The following FXR1 variants were observed in gnomAD, a reference collection of about 807,000 sequenced individuals.
FXR1 encodes the protein FMR1 autosomal homolog 1, also known as RNA-binding protein FXR1.
Under a neutral mutation model 84.0 loss-of-function variants are expected in FXR1, and 15 were observed. The observed-to-expected ratio is 0.18, with a 90% CI of 0.12 to 0.27. FXR1 has a LOEUF of 0.27. Ranked by LOEUF, FXR1 falls within the 10% of genes least tolerant of loss-of-function variation. The probability of loss-of-function intolerance (pLI) is 1.00; values close to 1 mark genes in which losing one functional copy is unlikely to be tolerated. For missense variants in FXR1, 480 were observed against 774.4 expected (o/e 0.62, Z 4.51); for synonymous variants, 245 against 250.7 (o/e 0.98, Z 0.21).
intron 1 of FXR1, among the ~76,000 whole-genome samples, chr3:180,919,351 C>T (rs1482789706): frequency 1.5e-4 from 22 of 143,388 alleles, no homozygotes; most frequent in Admixed American, 4.3e-4. Context: ...GTGGCACTAT[C>T]TCGGGTCATT....
At chr3:180,949,882 A>G (rs1182280537) in intron 7 of FXR1, among the ~76,000 whole-genome samples, 2 of 152,146 alleles carry the variant, frequency 1.3e-5, no homozygotes, top group Non-Finnish European at 2.9e-5. Flanking sequence ...GAGCTAAGAA[A>G]CTAGGGATAC....
intron 3 of FXR1, among the ~76,000 whole-genome samples, chr3:180,945,009 A>G (rs537187075): frequency 2.0e-5 from 3 of 152,256 alleles, no homozygotes; most frequent in Non-Finnish European, 4.4e-5. Flanking sequence ...TGTATCTACA[A>G]TGAATGCAGT....
chr3:180,925,318 C>T (rs1416588332), intron 1 of FXR1, among the ~76,000 whole-genome samples: 1 of 151,640 alleles, frequency 6.6e-6, no homozygotes, highest in African/African-American at 2.4e-5. Flanking sequence ...TGATATCAGG[C>T]CATTGCACTC....
rs1714635301 is a variant in FXR1 at position 180,982,066 on chromosome 3, A to C, written c.*5774A>C. The C allele has an allele frequency of 6.6e-6, 1 of 152,238 alleles. No individual in the cohort carries two copies. Among genetic ancestry groups the C allele is most frequent in the South Asian group, 2.1e-4 (1 of 4,828 alleles). 9.4% of individuals were successfully genotyped at this position (152,238 alleles called of 1,614,324 possible). ...AGGTTATCAGAATTGTGAAGGCCAT[A>C]GTACAAAAAGTTAAGAGAACGGAAC... On this transcript the variant is annotated 3_prime_UTR_variant, in exon 17 of 17. Coordinates refer to ENST00000357559, the MANE Select transcript of FXR1 (RefSeq NM_005087.4).
chr3:180,917,670 C>A (rs193297146), intron 1 of FXR1, among the ~76,000 whole-genome samples: 3 of 152,074 alleles, frequency 2.0e-5, no homozygotes, highest in African/African-American at 7.2e-5. Flanking sequence ...CAACTTAGGC[C>A]GGGCGCCGTG....
intron 13 of FXR1, among the ~76,000 whole-genome samples, chr3:180,967,501 A>G (rs1338541500): frequency 6.6e-6 from 1 of 152,086 alleles, no homozygotes; most frequent in African/African-American, 2.4e-5. Context: ...ACTAAAACCC[A>G]AATCAGCAGA....
At chr3:180,947,013 A>G (rs144968820) in intron 3 of FXR1, among the ~76,000 whole-genome samples, 88 of 152,284 alleles carry the variant, frequency 5.8e-4, no homozygotes, top group African/African-American at 2.0e-3. Flanking sequence ...ACTGATATTT[A>G]TAGATATAAA....
Position 180,948,832 on chromosome 3 carries a change from T to C in FXR1, c.513+18T>C. 2.8e-6 allele frequency: 3 copies of C among 1,077,068 alleles called. No homozygotes were observed. The highest frequency in any genetic ancestry group is 2.9e-6 in the Non-Finnish European group (2 of 697,998). The allele number at this position is 1,077,068 out of a possible 1,614,324, so 66.7% of individuals were successfully genotyped here. On this transcript the variant is annotated intron_variant, in intron 6 of 16. Coordinates refer to ENST00000357559, the MANE Select transcript of FXR1 (RefSeq NM_005087.4). ...TGATACTGGTAAGATAGTACCATAT[T>C]ATAAGGTAGCTTATTAATGGATATT...
intron 2 of FXR1, among the ~76,000 whole-genome samples, 156 bp from the exon 3 acceptor site, chr3:180,934,982 T>C (rs1006802691): frequency 6.6e-6 from 1 of 152,220 alleles, no homozygotes; most frequent in Non-Finnish European, 1.5e-5. Flanking sequence ...CTGTTCTACT[T>C]CAGTAACTAA....
Position 180,957,922 on chromosome 3 carries a change from A to G in FXR1, c.984A>G (p.Arg328=). Reference sequence around the variant, plus strand: ...GGGACAATGAAAATAAATTACCCAGAGAAGACGTAAGTATTTAAAATGTAA... The same window carrying G: ...GGGACAATGAAAATAAATTACCCAGGGAAGACGTAAGTATTTAAAATGTAA... The part of the protein sequence containing the change: ...IEGDNENKLP[R]EDGMVPFVFV... The change falls in exon 10 of 17, where the codon AGA becomes AGG. Residue 328 remains arginine (R), a synonymous_variant. Transcript: ENST00000357559. 1 of 1,404,796 alleles carries G rather than the reference A, an allele frequency of 7.1e-7. No homozygotes were observed. The highest frequency in any genetic ancestry group is 1.4e-5 in the African/African-American group (1 of 70,356). The allele number at this position is 1,404,796 out of a possible 1,614,324, so 87.0% of individuals were successfully genotyped here.
intron 15 of FXR1, chr3:180,971,102 G>A (rs776326796): frequency 1.6e-5 from 20 of 1,267,044 alleles, no homozygotes; most frequent in Admixed American, 1.5e-4. Flanking sequence ...CCCCAGCGAC[G>A]CAATCGTAGC....
intron 10 of FXR1, among the ~76,000 whole-genome samples, chr3:180,960,530 G>A (rs556461480): frequency 6.6e-6 from 1 of 152,144 alleles, no homozygotes; most frequent in Non-Finnish European, 1.5e-5. Context: ...CAGTGGCACA[G>A]TCTTGGCTCA....
intron 1 of FXR1, 116 bp from the exon 2 acceptor site, chr3:180,933,218 T>A (rs1379840174): frequency 3.7e-5 from 24 of 649,766 alleles, no homozygotes; most frequent in Non-Finnish European, 4.6e-5. Flanking sequence ...CACATCTGCC[T>A]AATTCCAAAC....
At chr3:180,954,562 G>A (rs1267657845) in intron 9 of FXR1, among the ~76,000 whole-genome samples, 1 of 152,118 alleles carries the variant, frequency 6.6e-6, no homozygotes, top group Non-Finnish European at 1.5e-5. Context: ...TGAGGCAATT[G>A]GGAAGGCTTT....
chr3:180,952,587 A>G (rs79586081), intron 8 of FXR1, among the ~76,000 whole-genome samples: 1 of 151,410 alleles, frequency 6.6e-6, no homozygotes, highest in Non-Finnish European at 1.5e-5. Flanking sequence ...AAAAAAAAAA[A>G]GACGAGCTTT....
In FXR1 at chr3:180,980,074, C is replaced by T. The variant is rs1010011971; in HGVS notation, c.*3782C>T. Reference sequence around the variant, plus strand: ...TTTTTCTCTATGGTTTCAATTTTATCCAACCAGAGAGGGCTGGCCTAGTTG... The same window carrying T: ...TTTTTCTCTATGGTTTCAATTTTATTCAACCAGAGAGGGCTGGCCTAGTTG... On this transcript the variant is annotated 3_prime_UTR_variant, in exon 17 of 17. Coordinates refer to ENST00000357559, the MANE Select transcript of FXR1 (RefSeq NM_005087.4). The T allele has an allele frequency of 6.6e-6, 1 of 152,004 alleles. No homozygotes were observed. The highest frequency in any genetic ancestry group is 1.5e-5 in the Non-Finnish European group (1 of 67,926). 9.4% of individuals were successfully genotyped at this position (152,004 alleles called of 1,614,324 possible). A position where few individuals can be genotyped will look rare whatever the true frequency, so the allele number is the denominator to read the frequency against.
intron 1 of FXR1, among the ~76,000 whole-genome samples, chr3:180,920,686 T>G (rs974651144): frequency 2.0e-5 from 3 of 152,110 alleles, no homozygotes; most frequent in African/African-American, 7.2e-5. Flanking sequence ...TAATTTTGTA[T>G]TTTTAGTAGA....
chr3:180,947,588 G>C (rs752132145), intron 3 of FXR1, among the ~76,000 whole-genome samples: 1 of 152,142 alleles, frequency 6.6e-6, no homozygotes, highest in Non-Finnish European at 1.5e-5. Flanking sequence ...AAACTCCTTT[G>C]TAAGAGCATT....
chr3:180,962,811 C>A, intron 11 of FXR1, 72 bp from the exon 12 acceptor site: 1 of 1,000,340 alleles, frequency 1.0e-6, no homozygotes, highest in Non-Finnish European at 1.6e-6. Flanking sequence ...GGGAGTACAG[C>A]TTTAGCTTTA....
Sources: gnomAD v4.1 joint callset for allele counts (sites outside exome capture counted in the v4.1 genomes callset) on GRCh38, gnomAD v4.1.1 for gene constraint, MANE v1.5 for transcripts, NCBI Gene and HGNC (gene_info 2026-07-23, HGNC 2026-07-21) for gene names.